MACF1: variants seen among roughly 807,000 people sequenced by gnomAD.
MACF1 encodes microtubule actin crosslinking factor 1.
MACF1 carries 193 observed loss-of-function variants against 854.8 expected under a neutral mutation model. That is an observed-to-expected ratio of 0.23 (90% CI 0.20 to 0.25). The LOEUF is 0.25. Ranked by LOEUF, MACF1 falls within the 10% of genes least tolerant of loss-of-function variation. The pLI, the probability that MACF1 is intolerant of heterozygous loss-of-function variation, is 1.00. For synonymous variants in MACF1, 3,185 were observed against 3,226.7 expected (o/e 0.99, Z 0.44); for missense variants, 7,722 against 8,929.1 (o/e 0.86, Z 5.45).
At chr1:39,360,067 A>ACC (rs1648032290) in intron 47 of MACF1, among the ~76,000 whole-genome samples, 1 of 134,830 alleles carries the variant, frequency 7.4e-6, no homozygotes, top group East Asian at 2.1e-4. Context: ...ACACACACAC[A>ACC]CACATATGTA....
intron 58 of MACF1, among the ~76,000 whole-genome samples, chr1:39,417,147 AG>A (rs1321802305): frequency 6.6e-6 from 1 of 152,222 alleles, no homozygotes; most frequent in Admixed American, 6.5e-5. Flanking sequence ...GTGCAAGTGC[AG>A]ACATGGATAC....
At chr1:39,394,103 C>T (rs1642174265) in intron 58 of MACF1, among the ~76,000 whole-genome samples, 1 of 152,126 alleles carries the variant, frequency 6.6e-6, no homozygotes, top group African/African-American at 2.4e-5. Flanking sequence ...CATCAGGCTT[C>T]CTTAGGATTA....
At chr1:39,408,749 C>T (rs1405795290) in intron 58 of MACF1, among the ~76,000 whole-genome samples, 2 of 152,122 alleles carry the variant, frequency 1.3e-5, no homozygotes, top group Non-Finnish European at 2.9e-5. Context: ...CTTGCGCCCT[C>T]TCCGGGGGCG....
chr1:39,411,861 T>C, intron 58 of MACF1: 1 of 1,613,956 alleles, frequency 6.2e-7, no homozygotes, highest in Non-Finnish European at 8.5e-7. Context: ...AAGATTATGA[T>C]ACTAGATTGG....
Position 39,334,847 on chromosome 1 carries a change from T to C in MACF1, c.8259T>C (p.Pro2753=), listed in dbSNP as rs765492326. The C allele has an allele frequency of 2.5e-6, 4 of 1,614,042 alleles. No homozygotes were observed. The highest frequency in any genetic ancestry group is 1.7e-5 in the Admixed American group (1 of 60,004). Residue 2753 remains proline, a synonymous_variant, in exon 37 of 101, where the codon CCT becomes CCC. Coordinates refer to ENST00000564288, the MANE Select transcript of MACF1 (RefSeq NM_001394062.1). ...VEAIEKRLIS[P]ELANMIQIDS... ...CTATTGAGAAAAGACTGATCAGCCCTGAACTGGCAAATATGATCCAAATAG... is the reference window on the plus strand; with the variant it reads ...CTATTGAGAAAAGACTGATCAGCCCCGAACTGGCAAATATGATCCAAATAG...
At chr1:39,422,307 G>T in intron 58 of MACF1, 67 bp from the exon 59 acceptor site, 1 of 1,270,610 alleles carries the variant, frequency 7.9e-7, no homozygotes, top group Non-Finnish European at 1.1e-6. Flanking sequence ...AGAATAACCA[G>T]TCTCTGCGTG....
At chr1:39,442,356 C>T (rs765565642) in intron 76 of MACF1, 36 bp downstream of exon 76, 2 of 1,603,788 alleles carry the variant, frequency 1.2e-6, no homozygotes. Flanking sequence ...GTGAACTACT[C>T]TCCGCTCTTT....
At chr1:39,119,102 T>C (rs1327721137) in intron 2 of MACF1, among the ~76,000 whole-genome samples, 1 of 152,122 alleles carries the variant, frequency 6.6e-6, no homozygotes, top group Non-Finnish European at 1.5e-5. Context: ...GCAGATCACC[T>C]GAGATCAGGA....
intron 15 of MACF1, among the ~76,000 whole-genome samples, chr1:39,289,816 C>T (rs1645737658): frequency 6.9e-6 from 1 of 144,808 alleles, no homozygotes; most frequent in Non-Finnish European, 1.5e-5. Context: ...ATTCTCATGC[C>T]TCAGCCTCCC....
chr1:39,298,892 T>C (rs1645979976), intron 21 of MACF1, among the ~76,000 whole-genome samples: 1 of 151,998 alleles, frequency 6.6e-6, no homozygotes, highest in Non-Finnish European at 1.5e-5. Context: ...TGTCATATCT[T>C]CTCTTCTCGA....
intron 1 of MACF1, among the ~76,000 whole-genome samples, chr1:39,223,625 G>A (rs1221450326): frequency 6.6e-6 from 1 of 151,306 alleles, no homozygotes. Context: ...AGTGATCCTC[G>A]TGCCTTGGCC....
chr1:39,438,289 T>C (rs767398478), intron 71 of MACF1, among the ~76,000 whole-genome samples: 7 of 152,206 alleles, frequency 4.6e-5, no homozygotes, highest in Non-Finnish European at 8.8e-5. Context: ...AGAACATAGC[T>C]ACCTTTTGTA....
chr1:39,426,933 G>T (rs907839759), intron 61 of MACF1, among the ~76,000 whole-genome samples: 1 of 152,054 alleles, frequency 6.6e-6, no homozygotes. Context: ...TGGGGAGGGA[G>T]TTCTAGTTCA....
At chr1:39,128,716 T>G (rs1266009033) in intron 2 of MACF1, among the ~76,000 whole-genome samples, 1 of 152,020 alleles carries the variant, frequency 6.6e-6, no homozygotes, top group Non-Finnish European at 1.5e-5. Flanking sequence ...AAAAAAGATT[T>G]CTGCTATTGC....
At chr1:39,341,948 A>G (rs934547689) in intron 40 of MACF1, among the ~76,000 whole-genome samples, 4 of 151,920 alleles carry the variant, frequency 2.6e-5, no homozygotes, top group Admixed American at 2.6e-4. Context: ...TTTGTTATAT[A>G]GGTAAACTGC....
Position 39,428,027 on chromosome 1 carries a change from C to T in MACF1, c.16543C>T (p.Leu5515Phe), listed in dbSNP as rs1570037781. 6.2e-7 allele frequency: 1 copy of T among 1,614,232 alleles called. No homozygotes were observed. The stretch of plus-strand genomic sequence containing the variant: ...CCAGGCAGTCAAAATTGGGCAGTCC[C>T]TCTCCTCCCTGACATCTCCTGCAGA... ...VHQAVKIGQS[L>F]SSLTSPAEQG... The change falls in exon 63 of 101, where the codon CTC becomes TTC. Residue 5515 changes from leucine to phenylalanine, a missense_variant. Leu to Phe is a conservative substitution (Grantham distance 22). Around this residue, in one of 15 missense-constraint regions of MACF1, gnomAD observed 2,807 missense variants for 3,235.8 expected, o/e 0.87. Coordinates refer to ENST00000564288, the MANE Select transcript of MACF1 (RefSeq NM_001394062.1).
intron 80 of MACF1, 79 bp from the exon 81 acceptor site, chr1:39,447,353 A>G (rs1369777387): frequency 3.0e-6 from 4 of 1,347,970 alleles, no homozygotes; most frequent in South Asian, 2.6e-5. Flanking sequence ...TGTACAATTC[A>G]TGCCTTTGTC....
At chr1:39,280,565 CATTT>C (rs1193226548) in intron 6 of MACF1, among the ~76,000 whole-genome samples, 1 of 151,908 alleles carries the variant, frequency 6.6e-6, no homozygotes, top group African/African-American at 2.4e-5. Context: ...TGCAAAATAA[CATTT>C]ATTTATTTAT....
chr1:39,391,970 A>G (rs1642052792), intron 58 of MACF1, among the ~76,000 whole-genome samples: 1 of 152,210 alleles, frequency 6.6e-6, no homozygotes, highest in African/African-American at 2.4e-5. Context: ...GCCTGGAAGA[A>G]GAGTGGGAGA....
Sources: allele counts gnomAD v4.1 joint callset (sites outside exome capture counted in the v4.1 genomes callset), GRCh38; gene constraint gnomAD v4.1.1; regional missense constraint gnomAD v4.1.1; transcripts MANE v1.5; gene names NCBI Gene and HGNC (gene_info 2026-07-23, HGNC 2026-07-21).